GAMT: variants seen among roughly 807,000 people sequenced by gnomAD.
GAMT encodes the protein guanidinoacetate N-methyltransferase, also known as epididymis secretory protein Li 20.
Under a neutral mutation model 26.9 loss-of-function variants are expected in GAMT, and 26 were observed. The ratio of observed to expected loss-of-function variants is 0.97; its 90% CI spans 0.71 to 1.34. The LOEUF (loss-of-function observed/expected upper bound fraction) is 1.34. Among genes scored for constraint, GAMT ranks in the 40% most tolerant of loss-of-function variants. The pLI, the probability that GAMT is intolerant of heterozygous loss-of-function variation, is 0.00. For synonymous variants in GAMT, 169 were observed against 149.6 expected, an observed-to-expected ratio of 1.13 and a Z score of -0.95; for missense variants, 412 against 345.0, an observed-to-expected ratio of 1.19 and a Z score of -1.54.
chr19:1,400,798 GA>G (rs2082629490), intron 1 of GAMT, among the ~76,000 whole-genome samples: 1 of 152,208 alleles, frequency 6.6e-6, no homozygotes, highest in South Asian at 2.1e-4. Flanking sequence ...TGGGGCCAGG[GA>G]GTCCTTTCTT....
intron 5 of GAMT, chr19:1,398,030 C>A: frequency 2.0e-6 from 2 of 1,018,148 alleles, no homozygotes; most frequent in Non-Finnish European, 2.4e-6. Flanking sequence ...AGGGCTTAGG[C>A]TGAACCACAG....
In GAMT at chr19:1,399,146, G is replaced by T. The variant is rs1555777047; in HGVS notation, c.441C>A (p.His147Gln). 3 of 1,613,764 alleles carry T rather than the reference G, an allele frequency of 1.9e-6. No homozygotes were observed. Among genetic ancestry groups the T allele is most frequent in the Non-Finnish European group, 1.7e-6 (2 of 1,179,980 alleles). The part of the protein sequence containing the change: ...YPLSEETWHT[H>Q]QFNFIKNHAF... The stretch of plus-strand genomic sequence containing the variant: ...GAACCACCTTGATGAAGTTGAACTG[G>T]TGTGTGTGCCAGGTCTCCTCCGAGA... Residue 147 changes from histidine to glutamine, a missense_variant, in exon 4 of 6, where the codon CAC becomes CAA. His to Gln is a conservative substitution (Grantham distance 24, BLOSUM62 0). Coordinates refer to ENST00000252288, the MANE Select transcript of GAMT (RefSeq NM_000156.6). This position sits in a 1 kb window ranked among gnomAD's most constrained non-coding sequence, Gnocchi z 6.2.
rs199967562 is a variant in GAMT at position 1,398,912 on chromosome 19, G to A, written c.570+4C>T. On this transcript the variant is annotated splice_donor_region_variant and intron_variant, in intron 5 of 5. Transcript: ENST00000252288. The stretch of plus-strand genomic sequence containing the variant: ...GACCCATGGGGAACTTCAGGTGGGC[G>A]CACCTCAAACATGATGGTGATGTCT... 107 of 1,613,158 alleles carry A rather than the reference G, an allele frequency of 6.6e-5. No individual in the cohort carries two copies. In the African/African-American group the frequency reaches 1.1e-3, roughly 17 times the overall value.
At position 1,399,617 on chromosome 19, in the gene GAMT, C is replaced by T. The variant is rs2144637692; in HGVS notation, c.328-30G>A. On this transcript the variant is annotated intron_variant, in intron 2 of 5. Transcript: ENST00000252288. The surrounding 1 kb of genome is among the most constrained non-coding windows in gnomAD (Gnocchi z 6.2). ...CAGAGGGGAAAAGAAAAAGAGAGGA[C>T]AGGGTAGAGAGGTCCCCAGGATCTC... is the stretch of plus-strand genomic sequence containing the variant. 6.2e-7 allele frequency: 1 copy of T among 1,603,736 alleles called. No individual in the cohort carries two copies. Among genetic ancestry groups the T allele is most frequent in the South Asian group, 1.1e-5 (1 of 90,024 alleles).
At chr19:1,398,611 A>AT (rs61684562) in intron 5 of GAMT, 25,517 of 635,938 alleles carry the variant, frequency 0.04, 1 homozygote, top group South Asian at 0.05. Flanking sequence ...AGTTTTTTGT[A>AT]TTTTTTTTTT....
At position 1,401,312 on chromosome 19, in the gene GAMT, G is replaced by T. The variant is rs767100879; in HGVS notation, c.165C>A (p.Ala55=). ...WETPYMHALA[A]AASSKGGRVL... is the part of the protein sequence containing the mutation. ...GGGGGCTACCTTTGGAGGAGGCGGC[G>T]GCGGCCAGCGCGTGCATATAGGGGG... Residue 55 remains alanine, a synonymous_variant, in exon 1 of 6, where the codon GCC becomes GCA. Coordinates refer to ENST00000252288, the MANE Select transcript of GAMT (RefSeq NM_000156.6). 3.3e-6 allele frequency: 5 copies of T among 1,514,456 alleles called. No homozygotes were observed. In the South Asian group the frequency reaches 6.1e-5, roughly 19 times the overall value. 93.8% of individuals were successfully genotyped at this position (1,514,456 alleles called of 1,614,324 possible).
In GAMT at chr19:1,399,703, C is replaced by T. The variant is rs2082622114; in HGVS notation, c.327+90G>A. 1.2e-5 allele frequency: 18 copies of T among 1,527,394 alleles called. 1 individual carries two copies. The South Asian group carries it at 1.8e-4, about 15-fold the overall frequency. 94.6% of individuals were successfully genotyped at this position (1,527,394 alleles called of 1,614,324 possible). On this transcript the variant is annotated intron_variant, in intron 2 of 5. Transcript: ENST00000252288. The surrounding 1 kb of genome is among the most constrained non-coding windows in gnomAD (Gnocchi z 6.2). ...CGAGAGAGAAGACCACCTCCTCCACCTCTGACAGCCCCAGGCCCCCAACCC... is the reference window on the plus strand; with the variant it reads ...CGAGAGAGAAGACCACCTCCTCCACTTCTGACAGCCCCAGGCCCCCAACCC...
chr19:1,398,444 C>T, intron 5 of GAMT: 4 of 374,648 alleles, frequency 1.1e-5, no homozygotes, highest in Admixed American at 4.3e-5. Flanking sequence ...TTCTTTCTTT[C>T]TTTTTTCTTG....
intron 5 of GAMT, chr19:1,397,951 C>T (rs982063813): frequency 9.4e-7 from 1 of 1,066,740 alleles, no homozygotes; most frequent in Admixed American, 4.8e-5. Context: ...GCAGAGGGAA[C>T]AGCGAGACAA....
rs1345414383 is a variant in GAMT, at chr19:1,399,978, G to A, written c.182-40C>T. On this transcript the variant is annotated intron_variant, in intron 1 of 5. Transcript: ENST00000252288. This position sits in a 1 kb window ranked among gnomAD's most constrained non-coding sequence, Gnocchi z 6.2. ...GGCGCCTGGCATCACTAGGTGGGGC[G>A]GGCTTAGGAGGCTGCCTGGAGGAGG... 21 of 1,574,586 alleles carry A rather than the reference G, an allele frequency of 1.3e-5. No individual in the cohort carries two copies. The highest frequency in any genetic ancestry group is 1.6e-5 in the Non-Finnish European group (19 of 1,164,110).
rs1298013790 is a variant in GAMT at position 1,401,500 on chromosome 19, A to C, written c.-24T>G. On this transcript the variant is annotated 5_prime_UTR_variant, in exon 1 of 6. Coordinates refer to ENST00000252288, the MANE Select transcript of GAMT (RefSeq NM_000156.6). The stretch of plus-strand genomic sequence containing the variant: ...ATGCTGCAGGCTGGACGGCGACCCG[A>C]CCTCGATCGCGCGCCGCCCGGGCCC... 1.6e-6 allele frequency: 2 copies of C among 1,289,866 alleles called. No individual in the cohort carries two copies. Among genetic ancestry groups the C allele is most frequent in the Non-Finnish European group, 2.0e-6 (2 of 1,018,774 alleles). 79.9% of individuals were successfully genotyped at this position (1,289,866 alleles called of 1,614,324 possible).
intron 5 of GAMT, 170 bp downstream of exon 5, chr19:1,398,746 C>T (rs1264782884): frequency 1.3e-6 from 2 of 1,546,916 alleles, no homozygotes; most frequent in South Asian, 2.4e-5. Context: ...TCCTGGCAGC[C>T]ACTGCGCCAG....
At position 1,397,241 on chromosome 19, in the gene GAMT, C is replaced by G; in HGVS notation, c.*118G>C. The stretch of plus-strand genomic sequence containing the variant: ...GCTGGTGGGACCCCTCACAGAGAAG[C>G]CGGGAAAGCTTCTGGTGACACACAG... On this transcript the variant is annotated 3_prime_UTR_variant, in exon 6 of 6. Coordinates refer to ENST00000252288, the MANE Select transcript of GAMT (RefSeq NM_000156.6). 7.9e-7 allele frequency: 1 copy of G among 1,266,602 alleles called. No homozygotes were observed. Among genetic ancestry groups the G allele is most frequent in the Non-Finnish European group, 1.1e-6 (1 of 914,790 alleles). 78.5% of individuals were successfully genotyped at this position (1,266,602 alleles called of 1,614,324 possible). A position where few individuals can be genotyped will look rare whatever the true frequency, so the allele number is the denominator to read the frequency against.
At chr19:1,401,093 G>C (rs954036904) in intron 1 of GAMT, among the ~76,000 whole-genome samples, 3 of 152,242 alleles carry the variant, frequency 2.0e-5, no homozygotes, top group Non-Finnish European at 2.9e-5. Context: ...TGGTACTTAG[G>C]CGGTGCCTAA....
At position 1,399,975 on chromosome 19, in the gene GAMT, G is replaced by C. The variant is rs1438658933; in HGVS notation, c.182-37C>G. The stretch of plus-strand genomic sequence containing the variant: ...CAGGGCGCCTGGCATCACTAGGTGG[G>C]GCGGGCTTAGGAGGCTGCCTGGAGG... On this transcript the variant is annotated intron_variant, in intron 1 of 5. Transcript: ENST00000252288. This position sits in a 1 kb window ranked among gnomAD's most constrained non-coding sequence, Gnocchi z 6.2. 1.9e-6 allele frequency: 3 copies of C among 1,578,830 alleles called. No homozygotes were observed. The Admixed American group carries it at 5.4e-5, about 29-fold the overall frequency.
chr19:1,398,161 A>G (rs999040689), intron 5 of GAMT: 5 of 872,974 alleles, frequency 5.7e-6, no homozygotes, highest in Non-Finnish European at 6.9e-6. Flanking sequence ...ACAACGGTGC[A>G]ATCTCGGCTC....
intron 1 of GAMT, 40 bp downstream of exon 1, chr19:1,401,256 C>T (rs1489279748): frequency 7.2e-7 from 1 of 1,387,550 alleles, no homozygotes; most frequent in Non-Finnish European, 9.4e-7. Flanking sequence ...CTCAGTTTCC[C>T]CTGCGCCCCC....
rs1403724467 is a variant in GAMT, at chr19:1,399,222, G to A, written c.392-27C>T. 3 of 1,612,304 alleles carry A rather than the reference G, an allele frequency of 1.9e-6. No individual in the cohort carries two copies. The highest frequency in any genetic ancestry group is 1.7e-5 in the Admixed American group (1 of 60,022). ...TGCACGGAGAACAGAAGCCCACGCGGTCAGGGCCGGGCTCAGCGCCTCACC... is the reference window on the plus strand; with the variant it reads ...TGCACGGAGAACAGAAGCCCACGCGATCAGGGCCGGGCTCAGCGCCTCACC... On this transcript the variant is annotated intron_variant, in intron 3 of 5. Coordinates refer to ENST00000252288, the MANE Select transcript of GAMT (RefSeq NM_000156.6). The surrounding 1 kb of genome is among the most constrained non-coding windows in gnomAD (Gnocchi z 6.2).
intron 1 of GAMT, 80 bp from the exon 2 acceptor site, chr19:1,400,018 C>A: frequency 6.6e-7 from 1 of 1,514,124 alleles, no homozygotes; most frequent in East Asian, 2.4e-5. Context: ...CAGGGCAGGG[C>A]AGGGCTGGGG....
Sources: allele counts gnomAD v4.1 joint callset (sites outside exome capture counted in the v4.1 genomes callset), GRCh38; gene constraint gnomAD v4.1.1; non-coding constraint Gnocchi (gnomAD v3.1); transcripts MANE v1.5; gene names NCBI Gene and HGNC (gene_info 2026-07-23, HGNC 2026-07-21).